ARHGEF33: variants seen among roughly 807,000 people sequenced by gnomAD.
ARHGEF33 encodes the protein Rho guanine nucleotide exchange factor 33.
Under a neutral mutation model 101.9 loss-of-function variants are expected in ARHGEF33, and 72 were observed. The observed-to-expected ratio is 0.71, with a 90% CI of 0.58 to 0.86. The LOEUF is 0.86. ARHGEF33 is among the 40% of genes least tolerant of loss of function. ARHGEF33 has a pLI of 0.00. For missense variants in ARHGEF33, 1,169 were observed against 1,111.3 expected, an observed-to-expected ratio of 1.05 and a Z score of -0.74; for synonymous variants, 499 against 442.5, an observed-to-expected ratio of 1.13 and a Z score of -1.60.
intron 4 of ARHGEF33, among the ~76,000 whole-genome samples, chr2:38,928,190 CT>C (rs1186481118): frequency 2.6e-5 from 4 of 152,162 alleles, no homozygotes; most frequent in African/African-American, 9.7e-5. Context: ...TGTACCCTAC[CT>C]GATCCAAAAC....
intron 4 of ARHGEF33, among the ~76,000 whole-genome samples, chr2:38,922,470 G>T (rs1456466372): frequency 1.3e-5 from 2 of 152,146 alleles, no homozygotes; most frequent in African/African-American, 4.8e-5. Context: ...TCATGTAAGA[G>T]ACCATTGCTA....
At position 38,960,546 on chromosome 2, in the gene ARHGEF33, C is replaced by G. The variant is rs1267126425; in HGVS notation, c.2241C>G (p.His747Gln). The G allele has an allele frequency of 8.0e-7, 1 of 1,255,664 alleles. No homozygotes were observed. Among genetic ancestry groups the G allele is most frequent in the Non-Finnish European group, 1.0e-6 (1 of 990,888 alleles). 77.8% of individuals were successfully genotyped at this position (1,255,664 alleles called of 1,614,324 possible). The stretch of plus-strand genomic sequence containing the variant: ...AGGCCGAGCGCGCCGCGCAGGCGCA[C>G]GGCCCGGCCGCCGCCGCCGTCGCCG... ...PIKAERAAQAHGPAAAAVAAR... is the reference protein window; with the variant it reads ...PIKAERAAQAQGPAAAAVAAR... The change falls in exon 16 of 18, where the codon CAC (histidine) becomes CAG (glutamine). Residue 747 changes from histidine (H) to glutamine (Q), a missense_variant. By Grantham distance (24) the His-to-Gln change is conservative. Transcript: ENST00000409978.
intron 2 of ARHGEF33, among the ~76,000 whole-genome samples, chr2:38,902,069 C>T (rs1468040884): frequency 6.7e-6 from 1 of 150,016 alleles, no homozygotes; most frequent in Non-Finnish European, 1.5e-5. Flanking sequence ...GAGCCGAGAT[C>T]GCGCCACTGC....
At chr2:38,897,886 G>A (rs138623867) in intron 2 of ARHGEF33, among the ~76,000 whole-genome samples, 6 of 152,302 alleles carry the variant, frequency 3.9e-5, no homozygotes, top group African/African-American at 1.4e-4. Context: ...CAGCCCCAGA[G>A]GCTAGAATGG....
chr2:38,910,355 G>T (rs1160094569), intron 2 of ARHGEF33, among the ~76,000 whole-genome samples: 1 of 152,198 alleles, frequency 6.6e-6, no homozygotes, highest in Admixed American at 6.5e-5. Flanking sequence ...TGGATTGCCT[G>T]AGCTCAGGAG....
intron 2 of ARHGEF33, among the ~76,000 whole-genome samples, chr2:38,917,195 G>T (rs1666653809): frequency 6.7e-6 from 1 of 149,156 alleles, no homozygotes; most frequent in African/African-American, 2.5e-5. Context: ...AGGTTAAAGT[G>T]ATTTTCCTGC....
At chr2:38,951,480 T>C (rs972922398) in intron 11 of ARHGEF33, among the ~76,000 whole-genome samples, 3 of 152,128 alleles carry the variant, frequency 2.0e-5, no homozygotes, top group Admixed American at 1.3e-4. Context: ...GTATATATAT[T>C]TGTGGGCCGG....
intron 9 of ARHGEF33, among the ~76,000 whole-genome samples, chr2:38,943,213 CCA>C (rs1667358287): frequency 1.3e-5 from 2 of 152,342 alleles, no homozygotes; most frequent in South Asian, 4.1e-4. Context: ...CAGGCATGAG[CCA>C]CCATGTCCGG....
chr2:38,904,294 T>A (rs1666337127), intron 2 of ARHGEF33, among the ~76,000 whole-genome samples: 1 of 152,032 alleles, frequency 6.6e-6, no homozygotes, highest in Non-Finnish European at 1.5e-5. Flanking sequence ...AAAGTAGAAA[T>A]GCAAGTGGCA....
At chr2:38,930,524 A>T (rs1410911942) in intron 6 of ARHGEF33, among the ~76,000 whole-genome samples, 1 of 151,922 alleles carries the variant, frequency 6.6e-6, no homozygotes, top group Non-Finnish European at 1.5e-5. Context: ...TTAAAAAAAA[A>T]TTATAGAAAT....
intron 6 of ARHGEF33, among the ~76,000 whole-genome samples, 187 bp downstream of exon 6, chr2:38,930,017 T>C (rs1666960142): frequency 6.6e-6 from 1 of 152,182 alleles, no homozygotes; most frequent in South Asian, 2.1e-4. Context: ...ACCTATTACA[T>C]AGAAAAATCC....
intron 1 of ARHGEF33, among the ~76,000 whole-genome samples, chr2:38,890,975 T>TC (rs892531140): frequency 5.9e-5 from 9 of 151,452 alleles, no homozygotes; most frequent in African/African-American, 1.9e-4. Flanking sequence ...TTGGTTTTTT[T>TC]TTTTTTCTTT....
intron 1 of ARHGEF33, among the ~76,000 whole-genome samples, chr2:38,893,280 A>G (rs1348291908): frequency 1.3e-5 from 2 of 151,458 alleles, no homozygotes; most frequent in African/African-American, 4.9e-5. Flanking sequence ...CTCCTGCCTC[A>G]GCCTCCTGAG....
At chr2:38,952,760 G>A (rs976829164) in intron 11 of ARHGEF33, among the ~76,000 whole-genome samples, 3 of 151,510 alleles carry the variant, frequency 2.0e-5, no homozygotes, top group East Asian at 1.9e-4. Flanking sequence ...GTGCAGTGGT[G>A]CAATCTCGGC....
At chr2:38,941,540 A>C (rs537373031) in intron 9 of ARHGEF33, among the ~76,000 whole-genome samples, 1 of 149,388 alleles carries the variant, frequency 6.7e-6, no homozygotes, top group East Asian at 2.0e-4. Flanking sequence ...ATGTTACCTG[A>C]TTTTTCTTTT....
At chr2:38,920,244 T>C (rs939207458) in intron 3 of ARHGEF33, among the ~76,000 whole-genome samples, 1 of 152,138 alleles carries the variant, frequency 6.6e-6, no homozygotes, top group Non-Finnish European at 1.5e-5. Flanking sequence ...TGTGACACAC[T>C]GGAGATGAAG....
chr2:38,946,532 C>T (rs1268011687), intron 10 of ARHGEF33, among the ~76,000 whole-genome samples: 6 of 152,124 alleles, frequency 3.9e-5, no homozygotes, highest in South Asian at 2.1e-4. Flanking sequence ...GTGGTACTGC[C>T]GTTTTTCTAT....
intron 10 of ARHGEF33, among the ~76,000 whole-genome samples, chr2:38,949,426 G>A (rs1667536007): frequency 6.6e-6 from 1 of 151,746 alleles, no homozygotes; most frequent in Non-Finnish European, 1.5e-5. Flanking sequence ...TTTTCTATAG[G>A]CCTCTAATCA....
At chr2:38,922,207 C>G (rs529468761) in intron 4 of ARHGEF33, among the ~76,000 whole-genome samples, 24 of 152,270 alleles carry the variant, frequency 1.6e-4, no homozygotes, top group African/African-American at 4.6e-4. Context: ...CCATGCTTCT[C>G]TCCAGACTTC....
Sources: allele counts gnomAD v4.1 joint callset (sites outside exome capture counted in the v4.1 genomes callset), GRCh38; gene constraint gnomAD v4.1.1; transcripts MANE v1.5; gene names NCBI Gene and HGNC (gene_info 2026-07-23, HGNC 2026-07-21).